Variants in TSNARE1 observed in about 807,000 individuals in gnomAD.
The protein encoded by TSNARE1 is t-SNARE domain containing 1, also known as t-SNARE domain-containing protein 1.
TSNARE1 carries 49 observed loss-of-function variants against 62.0 expected under a neutral mutation model. That is an observed-to-expected ratio of 0.79 (90% CI 0.63 to 1.00). TSNARE1 has a LOEUF of 1.00. Ranked by LOEUF, TSNARE1 falls within the 50% of genes least tolerant of loss-of-function variation. The pLI is 0.00. For synonymous variants in TSNARE1, 328 were observed against 294.4 expected (o/e 1.11, Z -1.17); for missense variants, 755 against 700.1 (o/e 1.08, Z -0.88).
At chr8:142,300,823 T>C (rs1427777335) in intron 9 of TSNARE1, among the ~76,000 whole-genome samples, 179 bp from the exon 10 acceptor site, 1 of 152,052 alleles carries the variant, frequency 6.6e-6, no homozygotes, top group Non-Finnish European at 1.5e-5. Context: ...TGGGCATCAA[T>C]CTGGGCCTCC....
chr8:142,287,489 C>A, intron 10 of TSNARE1, among the ~76,000 whole-genome samples: 1 of 119,332 alleles, frequency 8.4e-6, no homozygotes, highest in African/African-American at 3.4e-5. Flanking sequence ...GGACAGTGGG[C>A]CACCCTCCAG....
intron 2 of TSNARE1, among the ~76,000 whole-genome samples, chr8:142,348,296 G>A (rs775656026): frequency 3.9e-5 from 6 of 152,154 alleles, no homozygotes; most frequent in Non-Finnish European, 5.9e-5. Context: ...TAATGCCTGC[G>A]TCAAATTCTA....
chr8:142,394,543 C>T (rs1193249949), intron 1 of TSNARE1, among the ~76,000 whole-genome samples: 1 of 152,184 alleles, frequency 6.6e-6, no homozygotes, highest in Non-Finnish European at 1.5e-5. Context: ...TGGAAGTGCC[C>T]CACAGTCCTG....
intron 4 of TSNARE1, among the ~76,000 whole-genome samples, chr8:142,333,149 A>AG (rs2132063358): frequency 6.6e-6 from 1 of 152,368 alleles, no homozygotes; most frequent in South Asian, 2.1e-4. Context: ...GTGCCTGGAC[A>AG]GAGCTGTGGG....
intron 13 of TSNARE1, among the ~76,000 whole-genome samples, chr8:142,212,681 C>T (rs1815609619): frequency 6.6e-6 from 1 of 152,030 alleles, no homozygotes; most frequent in South Asian, 2.1e-4. Flanking sequence ...ACAGCAGGCC[C>T]TGCCTGGCGC....
At chr8:142,341,524 C>A (rs1315754575) in intron 4 of TSNARE1, among the ~76,000 whole-genome samples, 2 of 152,212 alleles carry the variant, frequency 1.3e-5, no homozygotes, top group African/African-American at 2.4e-5. Flanking sequence ...CAACCCGAAG[C>A]AGAGTGCGCA....
At chr8:142,255,076 G>A (rs533704244) in intron 12 of TSNARE1, among the ~76,000 whole-genome samples, 7 of 152,032 alleles carry the variant, frequency 4.6e-5, no homozygotes, top group Non-Finnish European at 8.8e-5. Flanking sequence ...AACAGCAGGG[G>A]GCAAGAGGAG....
chr8:142,308,799 C>T (rs1415211466), intron 9 of TSNARE1, among the ~76,000 whole-genome samples: 1 of 152,190 alleles, frequency 6.6e-6, no homozygotes, highest in Non-Finnish European at 1.5e-5. Flanking sequence ...CACACACACA[C>T]TGAAAACCTG....
chr8:142,290,980 C>A lies in TSNARE1; in HGVS notation c.1291-6495G>T, dbSNP rs536488330. ...AGGCAGTGCTGGCAGAAAGCAGACA[C>A]CAGCTCTGGACCAGTGCCCCGGTGA... is the stretch of plus-strand genomic sequence containing the variant. On this transcript the variant is annotated intron_variant, in intron 10 of 13. Transcript: ENST00000524325. Among the ~76,000 whole-genome samples the A allele has an allele frequency of 7.1e-4, 108 of 152,308 alleles. 1 individual carries two copies. The highest frequency in any genetic ancestry group is 2.5e-3 in the African/African-American group (106 of 41,586).
intron 12 of TSNARE1, among the ~76,000 whole-genome samples, chr8:142,252,262 A>G (rs1818213727): frequency 1.3e-5 from 2 of 152,178 alleles, no homozygotes; most frequent in African/African-American, 2.4e-5. Flanking sequence ...TCATCTTCTT[A>G]AGCAGGCCTA....
intron 12 of TSNARE1, among the ~76,000 whole-genome samples, chr8:142,238,799 A>C (rs916997843): frequency 1.4e-4 from 5 of 36,356 alleles, no homozygotes; most frequent in East Asian, 9.6e-4. Flanking sequence ...CTGTACACCC[A>C]CCCCTGCACA....
At position 142,326,572 on chromosome 8, in the gene TSNARE1, G is replaced by A. The variant is rs529359446; in HGVS notation, c.893+4329C>T. Among the ~76,000 whole-genome samples, 6 of 124,596 alleles carry A rather than the reference G, an allele frequency of 4.8e-5. No homozygotes were observed. The South Asian group carries it at 1.4e-3, about 29-fold the overall frequency. 81.7% of individuals were successfully genotyped at this position (124,596 alleles called of 152,430 possible). A position where few individuals can be genotyped will look rare whatever the true frequency, so the allele number is the denominator to read the frequency against. ...CAGCACCAGCGAAGGGGAGGGCCCCGGAGAGCACGAGACAGATGAGGAACC... is the reference window on the plus strand; with the variant it reads ...CAGCACCAGCGAAGGGGAGGGCCCCAGAGAGCACGAGACAGATGAGGAACC... On this transcript the variant is annotated intron_variant, in intron 6 of 13. Transcript: ENST00000524325.
intron 1 of TSNARE1, among the ~76,000 whole-genome samples, chr8:142,398,553 C>T (rs920146715): frequency 6.6e-6 from 1 of 152,130 alleles, no homozygotes; most frequent in Non-Finnish European, 1.5e-5. Context: ...CAACCTTGCT[C>T]TGTAAGGTGC....
chr8:142,276,325 G>A, intron 11 of TSNARE1: 1 of 985,450 alleles, frequency 1.0e-6, no homozygotes, highest in African/African-American at 1.7e-5. Flanking sequence ...CTGAGCCAAT[G>A]GAGGAGGAGA....
In TSNARE1 at chr8:142,350,643, T is replaced by A. The variant is rs1431678036; in HGVS notation, c.88+3994A>T. On this transcript the variant is annotated intron_variant, in intron 2 of 13. Transcript: ENST00000524325. ...AGAAACACATAATAGGTGAAAGCAC[T>A]GGAAAAGGAGCGAAAACACTGTCAT... Among the ~76,000 whole-genome samples the A allele has an allele frequency of 5.3e-5, 8 of 152,196 alleles. No individual in the cohort carries two copies. The East Asian group carries it at 1.5e-3, about 29-fold the overall frequency.
intron 12 of TSNARE1, among the ~76,000 whole-genome samples, chr8:142,232,492 G>A (rs186644323): frequency 2.9e-4 from 44 of 152,340 alleles, no homozygotes; most frequent in Admixed American, 7.8e-4. Context: ...GAGGGCGGCC[G>A]CAGGGAGGCA....
intron 12 of TSNARE1, chr8:142,270,041 G>A (rs1288707561): frequency 1.0e-6 from 1 of 985,452 alleles, no homozygotes; most frequent in Non-Finnish European, 1.2e-6. Context: ...AAGCCAGTCA[G>A]CCAGCATCTT....
At chr8:142,276,708 C>T (rs1249142514) in intron 11 of TSNARE1, 2 of 985,312 alleles carry the variant, frequency 2.0e-6, no homozygotes, top group African/African-American at 3.5e-5. Context: ...TACACCTAGC[C>T]CTGGCCCTGG....
chr8:142,213,686 G>GC (rs1332163930), intron 13 of TSNARE1, among the ~76,000 whole-genome samples: 1 of 152,156 alleles, frequency 6.6e-6, no homozygotes, highest in Non-Finnish European at 1.5e-5. Flanking sequence ...CACACTCACT[G>GC]CTGGCTCCCC....
Sources: allele counts gnomAD v4.1 joint callset (sites outside exome capture counted in the v4.1 genomes callset), GRCh38; gene constraint gnomAD v4.1.1; transcripts MANE v1.5; gene names NCBI Gene and HGNC (gene_info 2026-07-23, HGNC 2026-07-21).